TESC: variants seen among roughly 807,000 people sequenced by gnomAD.
TESC encodes calcineurin B homologous protein 3.
A neutral mutation model predicts 31.0 loss-of-function variants in TESC; 19 were observed. The observed-to-expected ratio is 0.61, with a 90% CI of 0.43 to 0.90. The LOEUF is 0.90. TESC is among the 40% of genes least tolerant of loss of function. The pLI is 0.00. For missense variants in TESC, 248 were observed against 303.8 expected (o/e 0.82, Z 1.36); for synonymous variants, 109 against 114.8 (o/e 0.95, Z 0.32).
At chr12:117,075,666 T>C (rs1223965242) in intron 1 of TESC, among the ~76,000 whole-genome samples, 1 of 151,068 alleles carries the variant, frequency 6.6e-6, no homozygotes, top group South Asian at 2.1e-4. Context: ...AGAGAAACTT[T>C]GTTTTCTGTG....
At position 117,049,267 on chromosome 12, in the gene TESC, C is replaced by T. The variant is rs1395808581; in HGVS notation, c.210-109G>A. On this transcript the variant is annotated intron_variant, in intron 3 of 7. Coordinates refer to ENST00000335209, the MANE Select transcript of TESC (RefSeq NM_017899.4). ...GCTCTCAGGGTGCACACTGGACCCA[C>T]GATGGCTGCTCTCGCCTTGCGTCTG... The T allele has an allele frequency of 1.6e-5, 24 of 1,472,964 alleles. No homozygotes were observed. In the East Asian group the frequency reaches 2.5e-4, roughly 15 times the overall value. 91.2% of individuals were successfully genotyped at this position (1,472,964 alleles called of 1,614,324 possible). A position where few individuals can be genotyped will look rare whatever the true frequency, so the allele number is the denominator to read the frequency against.
At chr12:117,075,828 C>G (rs1955044846) in intron 1 of TESC, among the ~76,000 whole-genome samples, 1 of 123,886 alleles carries the variant, frequency 8.1e-6, no homozygotes, top group Non-Finnish European at 1.7e-5. Flanking sequence ...CCATGCCCGG[C>G]TAATTTTCGT....
intron 1 of TESC, among the ~76,000 whole-genome samples, chr12:117,095,161 G>A (rs999858691): frequency 3.3e-5 from 5 of 151,898 alleles, no homozygotes; most frequent in African/African-American, 7.3e-5. Flanking sequence ...CGCAACCTCC[G>A]CCACCCAGGT....
In TESC at chr12:117,075,907, A is replaced by ATGTGTGTGTG. The variant is rs1339057864; in HGVS notation, c.59-568_59-567insCACACACACA. Among the ~76,000 whole-genome samples the ATGTGTGTGTG allele has an allele frequency of 7.7e-5, 5 of 65,170 alleles. 1 individual carries two copies. The highest frequency in any genetic ancestry group is 3.2e-4 in the African/African-American group (3 of 9,494). 42.8% of individuals were successfully genotyped at this position (65,170 alleles called of 152,430 possible). On this transcript the variant is annotated intron_variant, in intron 1 of 7. Transcript: ENST00000335209. ...TATATATATATATATATATATATATATATATATGTGTGTGTGTATATATAT... is the reference window on the plus strand; with the variant it reads ...TATATATATATATATATATATATATATGTGTGTGTGTATATATGTGTGTGTGTATATATAT...
chr12:117,077,543 G>C (rs1955090198), intron 1 of TESC, among the ~76,000 whole-genome samples: 1 of 152,242 alleles, frequency 6.6e-6, no homozygotes, highest in African/African-American at 2.4e-5. Flanking sequence ...TGGCAGAGTA[G>C]AGTGCTAATG....
chr12:117,074,944 A>C (rs1237136335), intron 2 of TESC, among the ~76,000 whole-genome samples: 1 of 152,208 alleles, frequency 6.6e-6, no homozygotes, highest in Non-Finnish European at 1.5e-5. Context: ...CAGGAGATCG[A>C]AACCATCCTG....
At chr12:117,079,016 C>T (rs1022452482) in intron 1 of TESC, among the ~76,000 whole-genome samples, 5 of 152,144 alleles carry the variant, frequency 3.3e-5, no homozygotes, top group African/African-American at 1.2e-4. Flanking sequence ...CATGCTATTC[C>T]CGTTTTATAG....
chr12:117,086,056 G>A (rs748360852), intron 1 of TESC, among the ~76,000 whole-genome samples: 7 of 152,278 alleles, frequency 4.6e-5, no homozygotes, highest in Middle Eastern at 6.8e-3. Context: ...CCTACTGCAG[G>A]ATGCTATTTA....
In TESC at chr12:117,049,140, G is replaced by A; in HGVS notation, c.228C>T (p.Pro76=). The A allele has an allele frequency of 6.2e-7, 1 of 1,614,232 alleles. No individual in the cohort carries two copies. The highest frequency in any genetic ancestry group is 8.5e-7 in the Non-Finnish European group (1 of 1,180,048). The change falls in exon 4 of 8, where the codon CCC becomes CCT. Residue 76 remains proline (P), a synonymous_variant. Transcript: ENST00000335209. The part of the protein sequence containing the change: ...FFDNRNLRKG[P]SGLADEINFE... ...AATTGATCTCATCAGCCAGGCCACTGGGTCCCTTGCGCAGGTTCCTACGGG... is the reference window on the plus strand; with the variant it reads ...AATTGATCTCATCAGCCAGGCCACTAGGTCCCTTGCGCAGGTTCCTACGGG...
intron 1 of TESC, among the ~76,000 whole-genome samples, chr12:117,082,848 T>C (rs1446984692): frequency 1.3e-5 from 2 of 152,244 alleles, no homozygotes; most frequent in African/African-American, 4.8e-5. Flanking sequence ...CCCTTAACTT[T>C]TCTGCAATTT....
In TESC at chr12:117,070,594, C is replaced by T. The variant is rs1593011091; in HGVS notation, c.128+4677G>A. Among the ~76,000 whole-genome samples the T allele has an allele frequency of 2.0e-5, 3 of 152,148 alleles. No homozygotes were observed. The East Asian group carries it at 5.8e-4, about 29-fold the overall frequency. Reference sequence around the variant, plus strand: ...GATCACTTGCAAATCAAGACAATGCCCCTGGCTTCCTACAGCAGGATCTTG... The same window carrying T: ...GATCACTTGCAAATCAAGACAATGCTCCTGGCTTCCTACAGCAGGATCTTG... On this transcript the variant is annotated intron_variant, in intron 2 of 7. Coordinates refer to ENST00000335209, the MANE Select transcript of TESC (RefSeq NM_017899.4).
chr12:117,046,984 C>T (rs1435130045), intron 4 of TESC, 146 bp from the exon 5 acceptor site: 2 of 818,376 alleles, frequency 2.4e-6, no homozygotes, highest in Non-Finnish European at 3.8e-6. Context: ...GCTGTGGGAC[C>T]AGACTGACTA....
intron 2 of TESC, among the ~76,000 whole-genome samples, chr12:117,059,666 G>A (rs899869766): frequency 6.6e-6 from 1 of 152,078 alleles, no homozygotes; most frequent in Non-Finnish European, 1.5e-5. Flanking sequence ...AGTGGATCTC[G>A]GCTGCAATCT....
Position 117,056,857 on chromosome 12 carries a change from A to G in TESC, c.158T>C (p.Leu53Pro). ...TTTGGATCGGATGGGGTTGAGCTCC[A>G]GGTCCGGGACATTGTTGAAGTTCTC... ...RKENFNNVPD[L>P]ELNPIRSKIV... Residue 53 changes from leucine to proline, a missense_variant, in exon 3 of 8, where the codon CTG (leucine) becomes CCG (proline). Leu to Pro is a moderately conservative substitution (Grantham distance 98). Coordinates refer to ENST00000335209, the MANE Select transcript of TESC (RefSeq NM_017899.4). The G allele has an allele frequency of 6.2e-7, 1 of 1,614,166 alleles. No homozygotes were observed. Among genetic ancestry groups the G allele is most frequent in the African/African-American group, 1.3e-5 (1 of 75,052 alleles).
At chr12:117,062,977 C>G (rs568899670) in intron 2 of TESC, among the ~76,000 whole-genome samples, 1 of 152,282 alleles carries the variant, frequency 6.6e-6, no homozygotes, top group South Asian at 2.1e-4. Context: ...CAGGAGGGCT[C>G]CAGGGCCACA....
intron 1 of TESC, among the ~76,000 whole-genome samples, chr12:117,075,847 G>GTGTATATATATATA (rs1309778368): frequency 1.5e-5 from 1 of 67,222 alleles, no homozygotes; most frequent in Non-Finnish European, 2.7e-5. Context: ...GTGTGTGTGT[G>GTGTATATATATATA]TATATATATA....
At chr12:117,054,155 G>T (rs539168066) in intron 3 of TESC, among the ~76,000 whole-genome samples, 21 of 151,976 alleles carry the variant, frequency 1.4e-4, no homozygotes, top group African/African-American at 4.6e-4. Flanking sequence ...CTCCCAGGTG[G>T]CTCAGAGCTG....
intron 1 of TESC, among the ~76,000 whole-genome samples, chr12:117,076,547 G>A (rs1289701325): frequency 2.0e-5 from 3 of 151,508 alleles, no homozygotes; most frequent in Admixed American, 2.0e-4. Context: ...GTGTTCCAGC[G>A]ATTCTCGCGC....
chr12:117,089,412 C>G (rs1955274123), intron 1 of TESC, among the ~76,000 whole-genome samples: 1 of 152,044 alleles, frequency 6.6e-6, no homozygotes, highest in South Asian at 2.1e-4. Context: ...ATCAAAAAAC[C>G]AAACCATACA....
Sources: gnomAD v4.1 joint callset for allele counts (sites outside exome capture counted in the v4.1 genomes callset) on GRCh38, gnomAD v4.1.1 for gene constraint, MANE v1.5 for transcripts, NCBI Gene and HGNC (gene_info 2026-07-23, HGNC 2026-07-21) for gene names.